The following SMAD5 variants were observed in gnomAD, a reference collection of about 807,000 sequenced individuals.
The protein encoded by SMAD5 is MAD, mothers against decapentaplegic homolog 5.
SMAD5 carries 9 observed loss-of-function variants against 43.1 expected under a neutral mutation model. That is an observed-to-expected ratio of 0.21 (90% confidence interval 0.13 to 0.36). The LOEUF (loss-of-function observed/expected upper bound fraction) is 0.36, where lower values mean the gene tolerates loss of function less well. SMAD5 is among the 10% of genes least tolerant of loss of function. The pLI, the probability that SMAD5 is intolerant of heterozygous loss-of-function variation, is 1.00. For missense variants in SMAD5, 348 were observed against 574.0 expected (o/e 0.61, Z 4.02); for synonymous variants, 190 against 192.4 (o/e 0.99, Z 0.10).
chr5:136,159,636 T>C (rs562115803), intron 3 of SMAD5, among the ~76,000 whole-genome samples: 2 of 133,900 alleles, frequency 1.5e-5, no homozygotes, highest in East Asian at 4.5e-4. Flanking sequence ...ATGTAGAAAT[T>C]CTTGCTGCCT....
intron 2 of SMAD5, among the ~76,000 whole-genome samples, chr5:136,153,283 A>T (rs1753526944): frequency 6.6e-6 from 1 of 152,154 alleles, no homozygotes; most frequent in Non-Finnish European, 1.5e-5. Flanking sequence ...AAATTTTAGA[A>T]GAGTGTTTTA....
chr5:136,177,526 A>C lies in SMAD5; in HGVS notation c.*46A>C, dbSNP rs564062855. The C allele has an allele frequency of 5.5e-6, 8 of 1,458,778 alleles. No individual in the cohort carries two copies. In the East Asian group the frequency reaches 1.6e-4, roughly 30 times the overall value. 90.4% of individuals were successfully genotyped at this position (1,458,778 alleles called of 1,614,324 possible). A position where few individuals can be genotyped will look rare whatever the true frequency, so the allele number is the denominator to read the frequency against. On this transcript the variant is annotated 3_prime_UTR_variant, in exon 8 of 8. Transcript: ENST00000545279. ...TTATATTGTTAGTGGACTTGTTTTAATTTTAGAGAAACTTTGAGTACAGAT... is the reference window on the plus strand; with the variant it reads ...TTATATTGTTAGTGGACTTGTTTTACTTTTAGAGAAACTTTGAGTACAGAT...
intron 3 of SMAD5, among the ~76,000 whole-genome samples, chr5:136,160,261 A>T (rs1019587508): frequency 6.6e-6 from 1 of 152,214 alleles, no homozygotes; most frequent in African/African-American, 2.4e-5. Context: ...AAAACATGAG[A>T]TCTTTCAAAC....
intron 3 of SMAD5, among the ~76,000 whole-genome samples, chr5:136,154,778 C>T (rs1440122228): frequency 6.6e-6 from 1 of 152,084 alleles, no homozygotes; most frequent in Non-Finnish European, 1.5e-5. Flanking sequence ...GTCGAGATCA[C>T]TAGTGACTGC....
chr5:136,170,290 C>CT (rs1754171108), intron 5 of SMAD5, among the ~76,000 whole-genome samples: 1 of 152,062 alleles, frequency 6.6e-6, no homozygotes. Context: ...TCTAGATTTA[C>CT]TTTTTTGATG....
At position 136,140,625 on chromosome 5, in the gene SMAD5, A is replaced by T. The variant is rs987516388; in HGVS notation, c.-244-7207A>T. 1.2e-4 allele frequency among the ~76,000 whole-genome samples: 18 copies of T among 151,940 alleles called. No individual in the cohort carries two copies. The South Asian group carries it at 2.3e-3, about 19-fold the overall frequency. On this transcript the variant is annotated intron_variant, in intron 1 of 7. Coordinates refer to ENST00000545279, the MANE Select transcript of SMAD5 (RefSeq NM_005903.7). ...CACTCTTTTATTTCCTTAACATTTT[A>T]ACTCAGTTGGCACCTTCTTGGTGAG...
At chr5:136,171,097 G>A (rs897476525) in intron 5 of SMAD5, among the ~76,000 whole-genome samples, 1 of 152,054 alleles carries the variant, frequency 6.6e-6, no homozygotes, top group Non-Finnish European at 1.5e-5. Context: ...TTGAAAAGTG[G>A]GAGAGGAGGC....
In SMAD5 at chr5:136,163,308, A is replaced by T; in HGVS notation, c.692A>T (p.Asp231Val). 6.2e-7 allele frequency: 1 copy of T among 1,611,484 alleles called. No individual in the cohort carries two copies. The highest frequency in any genetic ancestry group is 8.5e-7 in the Non-Finnish European group (1 of 1,178,300). ...CCTCCTGCCTATATGCCACCTGATGATCAGATGGGTCAAGATAATTCCCAG... is the reference window on the plus strand; with the variant it reads ...CCTCCTGCCTATATGCCACCTGATGTTCAGATGGGTCAAGATAATTCCCAG... ...TPPPAYMPPD[D>V]QMGQDNSQPM... Residue 231 changes from aspartate (D) to valine (V), a missense_variant, in exon 5 of 8, where the codon GAT (aspartate) becomes GTT (valine). Transcript: ENST00000545279.
chr5:136,176,291 T>TA (rs995805952), intron 7 of SMAD5, among the ~76,000 whole-genome samples: 7 of 151,352 alleles, frequency 4.6e-5, no homozygotes, highest in African/African-American at 1.7e-4. Flanking sequence ...CTGTCTCTAC[T>TA]AAAAAATACA....
chr5:136,158,607 T>A (rs570428561), intron 3 of SMAD5, among the ~76,000 whole-genome samples: 1 of 152,192 alleles, frequency 6.6e-6, no homozygotes, highest in Admixed American at 6.5e-5. Context: ...AACCAAAAGT[T>A]GGAAGATCTG....
intron 5 of SMAD5, among the ~76,000 whole-genome samples, chr5:136,168,274 T>A (rs569504778): frequency 6.6e-6 from 1 of 152,356 alleles, no homozygotes; most frequent in Non-Finnish European, 1.5e-5. Flanking sequence ...AGTTACTGAC[T>A]TTTATATTAA....
intron 5 of SMAD5, among the ~76,000 whole-genome samples, chr5:136,164,524 T>G (rs1179200222): frequency 6.6e-6 from 1 of 152,234 alleles, no homozygotes; most frequent in Admixed American, 6.5e-5. Flanking sequence ...TGTTGGCCAT[T>G]TATATATCTT....
intron 7 of SMAD5, among the ~76,000 whole-genome samples, chr5:136,176,212 G>A (rs1417251997): frequency 4.6e-5 from 7 of 151,488 alleles, no homozygotes; most frequent in Non-Finnish European, 4.4e-5. Context: ...CCAGCACTTT[G>A]GGAGGCCAAG....
chr5:136,133,709 C>G (rs1169542712), intron 1 of SMAD5: 1 of 153,050 alleles, frequency 6.5e-6, no homozygotes, highest in Non-Finnish European at 1.5e-5. Context: ...ATTCCAGTCT[C>G]TTCCCCTCCC....
At chr5:136,166,635 G>A (rs866844582) in intron 5 of SMAD5, among the ~76,000 whole-genome samples, 4 of 152,088 alleles carry the variant, frequency 2.6e-5, no homozygotes, top group Admixed American at 6.5e-5. Context: ...ATGATATGCT[G>A]GAATTATTAA....
chr5:136,163,383 C>A lies in SMAD5; in HGVS notation c.767C>A (p.Ser256Tyr). The A allele has an allele frequency of 6.2e-7, 1 of 1,604,250 alleles. No individual in the cohort carries two copies. The highest frequency in any genetic ancestry group is 1.7e-5 in the Admixed American group (1 of 58,878). The change falls in exon 5 of 8, where the codon TCC becomes TAC. Residue 256 changes from serine to tyrosine, a missense_variant. Around this residue, in one of 5 missense-constraint regions of SMAD5, gnomAD observed 185 missense variants for 207.0 expected, o/e 0.89. Coordinates refer to ENST00000545279, the MANE Select transcript of SMAD5 (RefSeq NM_005903.7). ...ATTCCTCAGATTATGCCCAGTATAT[C>A]CAGCAGGGGTAAGAGAAGTACTCAC... ...NMIPQIMPSI[S>Y]SRDVQPVAYE...
At chr5:136,157,520 G>A (rs1378212003) in intron 3 of SMAD5, among the ~76,000 whole-genome samples, 3 of 152,090 alleles carry the variant, frequency 2.0e-5, no homozygotes, top group Non-Finnish European at 4.4e-5. Context: ...AAATTAGTGG[G>A]AGCCCTGAGC....
At position 136,171,263 on chromosome 5, in the gene SMAD5, T is replaced by G. The variant is rs76605336; in HGVS notation, c.776-1171T>G. Reference sequence around the variant, plus strand: ...AGTTTTTTAGTTTAACTTTTTTGTTTAAAATAATTTTACAGATACTGATTA... The same window carrying G: ...AGTTTTTTAGTTTAACTTTTTTGTTGAAAATAATTTTACAGATACTGATTA... On this transcript the variant is annotated intron_variant, in intron 5 of 7. Transcript: ENST00000545279. Among the ~76,000 whole-genome samples, 567 of 152,346 alleles carry G rather than the reference T, an allele frequency of 3.7e-3. 9 individuals are homozygous for G. Among genetic ancestry groups the G allele is most frequent in the African/African-American group, 0.013 (558 of 41,594 alleles).
chr5:136,133,390 G>T (rs1021219260), intron 1 of SMAD5: 7 of 152,556 alleles, frequency 4.6e-5, no homozygotes, highest in Admixed American at 1.3e-4. Context: ...AGCCTGGGCT[G>T]CTGCACTGCG....
Sources: allele counts gnomAD v4.1 joint callset (sites outside exome capture counted in the v4.1 genomes callset), GRCh38; gene constraint gnomAD v4.1.1; regional missense constraint gnomAD v4.1.1; transcripts MANE v1.5; gene names NCBI Gene and HGNC (gene_info 2026-07-23, HGNC 2026-07-21).